The following IMMT variants were observed in gnomAD, a reference collection of about 807,000 sequenced individuals.
IMMT encodes the protein inner membrane mitochondrial protein, also known as MICOS complex subunit MIC60.
A neutral mutation model predicts 92.7 loss-of-function variants in IMMT; 40 were observed. The ratio of observed to expected loss-of-function variants is 0.43; its 90% CI spans 0.34 to 0.56. The LOEUF (loss-of-function observed/expected upper bound fraction) is 0.56. Ranked by LOEUF, IMMT falls within the 20% of genes least tolerant of loss-of-function variation. The pLI, the probability that IMMT is intolerant of heterozygous loss-of-function variation, is 0.03. For synonymous variants in IMMT, 322 were observed against 336.1 expected (o/e 0.96, Z 0.46); for missense variants, 831 against 912.1 (o/e 0.91, Z 1.14).
intron 13 of IMMT, among the ~76,000 whole-genome samples, 167 bp from the exon 14 acceptor site, chr2:86,146,364 GTATATAA>G (rs1342136359): frequency 7.0e-6 from 1 of 141,924 alleles, no homozygotes; most frequent in Non-Finnish European, 1.5e-5. Flanking sequence ...CATATTTGAT[GTATATAA>G]TATATTTTTT....
intron 7 of IMMT, among the ~76,000 whole-genome samples, chr2:86,164,930 A>C (rs1272922091): frequency 2.0e-5 from 3 of 152,222 alleles, no homozygotes; most frequent in Non-Finnish European, 2.9e-5. Context: ...GCTTTGTGAA[A>C]GTTATTCAGT....
At chr2:86,189,581 G>C (rs1167124000) in intron 1 of IMMT, among the ~76,000 whole-genome samples, 1 of 152,130 alleles carries the variant, frequency 6.6e-6, no homozygotes, top group Non-Finnish European at 1.5e-5. Context: ...CCTGGACATG[G>C]AGCCTGTAGT....
intron 8 of IMMT, among the ~76,000 whole-genome samples, chr2:86,160,930 A>G (rs1419712371): frequency 6.6e-6 from 1 of 152,114 alleles, no homozygotes; most frequent in Non-Finnish European, 1.5e-5. Flanking sequence ...AGCGAAACTG[A>G]CTTTTATGTA....
intron 12 of IMMT, among the ~76,000 whole-genome samples, chr2:86,148,672 T>C (rs1675234871): frequency 6.6e-6 from 1 of 152,110 alleles, no homozygotes; most frequent in Non-Finnish European, 1.5e-5. Context: ...AGACTTGACA[T>C]AGACTTCTAA....
chr2:86,164,052 ATTTTT>A (rs540613367), intron 7 of IMMT, among the ~76,000 whole-genome samples: 1 of 63,030 alleles, frequency 1.6e-5, no homozygotes. Context: ...CACTTTAGTC[ATTTTT>A]TTTTTTTTTT....
chr2:86,194,712 T>C (rs1673406408), intron 1 of IMMT, among the ~76,000 whole-genome samples: 1 of 152,212 alleles, frequency 6.6e-6, no homozygotes, highest in African/African-American at 2.4e-5. Flanking sequence ...CACAGATCCC[T>C]GCCCTAATCT....
At chr2:86,155,607 C>T (rs1014689133) in intron 10 of IMMT, among the ~76,000 whole-genome samples, 1 of 152,218 alleles carries the variant, frequency 6.6e-6, no homozygotes, top group South Asian at 2.1e-4. Flanking sequence ...GAAACTTGCT[C>T]AGCTACAGAT....
At chr2:86,184,209 C>G (rs1382834078) in intron 1 of IMMT, among the ~76,000 whole-genome samples, 1 of 151,808 alleles carries the variant, frequency 6.6e-6, no homozygotes, top group African/African-American at 2.4e-5. Flanking sequence ...TGCTCTGTTG[C>G]CAAGGTTGTG....
intron 7 of IMMT, among the ~76,000 whole-genome samples, chr2:86,162,298 A>G (rs10168635): frequency 0.078 from 11,758 of 150,308 alleles, 773 homozygotes; most frequent in East Asian, 0.23. Flanking sequence ...GATTACAGGC[A>G]TGAGCCACTG....
intron 3 of IMMT, 138 bp downstream of exon 3, chr2:86,179,295 C>G: frequency 1.6e-6 from 1 of 639,712 alleles, no homozygotes; most frequent in Non-Finnish European, 2.6e-6. Flanking sequence ...CTTGAGCATC[C>G]ATGGGATTTT....
chr2:86,170,911 T>C (rs1028330502), intron 5 of IMMT, 67 bp from the exon 6 acceptor site: 2 of 1,239,750 alleles, frequency 1.6e-6, no homozygotes, highest in Admixed American at 2.0e-5. Context: ...AACAGGGATA[T>C]AAAAAAAGCA....
chr2:86,174,742 T>TA (rs1457594882), intron 3 of IMMT, among the ~76,000 whole-genome samples: 1 of 152,002 alleles, frequency 6.6e-6, no homozygotes, highest in Non-Finnish European at 1.5e-5. Flanking sequence ...CTTGCTCTTT[T>TA]TTTATTTAAC....
Position 86,195,373 on chromosome 2 carries a change from C to G in IMMT, c.10G>C (p.Ala4Pro). 1 of 1,549,498 alleles carries G rather than the reference C, an allele frequency of 6.5e-7. No homozygotes were observed. ...GCGGTCACACCCGATAACTGACAGG[C>G]CCGCAGCATCTCGGTCAAGCGGACG... MLR[A>P]CQLSGVTAAA... The change falls in exon 1 of 15, where the codon GCC (alanine) becomes CCC (proline). Residue 4 changes from alanine (A) to proline (P), a missense_variant. By Grantham distance (27) the Ala-to-Pro change is conservative. Transcript: ENST00000410111.
intron 4 of IMMT, 104 bp from the exon 5 acceptor site, chr2:86,171,449 T>C (rs1269687705): frequency 3.2e-5 from 32 of 1,011,166 alleles, no homozygotes; most frequent in Non-Finnish European, 3.0e-6. Flanking sequence ...TCTGACTCCT[T>C]AGAGACACAA....
intron 10 of IMMT, among the ~76,000 whole-genome samples, chr2:86,154,888 C>T (rs917635365): frequency 6.6e-6 from 1 of 151,468 alleles, no homozygotes; most frequent in African/African-American, 2.4e-5. Context: ...TTTTTTGAGA[C>T]GGAGTCTCCC....
intron 4 of IMMT, among the ~76,000 whole-genome samples, chr2:86,172,857 C>T (rs1331726991): frequency 6.6e-6 from 1 of 152,144 alleles, no homozygotes; most frequent in Non-Finnish European, 1.5e-5. Flanking sequence ...CTAATCTTTG[C>T]TCAGATAACC....
At chr2:86,162,628 G>A (rs776499677) in intron 7 of IMMT, among the ~76,000 whole-genome samples, 3 of 151,846 alleles carry the variant, frequency 2.0e-5, no homozygotes, top group Non-Finnish European at 4.4e-5. Context: ...AGCGGATCAC[G>A]AGGTCAAGAG....
rs377150889 is a variant in IMMT, at chr2:86,144,600, C to T, written c.1945G>A (p.Asp649Asn). 18 of 1,613,896 alleles carry T rather than the reference C, an allele frequency of 1.1e-5. No individual in the cohort carries two copies. Among genetic ancestry groups the T allele is most frequent in the Non-Finnish European group, 1.4e-5 (16 of 1,179,912 alleles). Residue 649 changes from aspartate to asparagine, a missense_variant, in exon 15 of 15, where the codon GAT becomes AAT. Coordinates refer to ENST00000410111, the MANE Select transcript of IMMT (RefSeq NM_006839.3). ...QKLARRVAMI[D>N]ETRNSLYQYF... Reference sequence around the variant, plus strand: ...TGGTACAAGCTATTTCTGGTTTCATCAATCATTGCTACCCTTCGGGCCAGT... The same window carrying T: ...TGGTACAAGCTATTTCTGGTTTCATTAATCATTGCTACCCTTCGGGCCAGT...
In IMMT at chr2:86,166,620, G is replaced by A. The variant is rs375746081; in HGVS notation, c.680C>T (p.Ala227Val). 1 of 1,612,458 alleles carries A rather than the reference G, an allele frequency of 6.2e-7. No homozygotes were observed. Among genetic ancestry groups the A allele is most frequent in the Non-Finnish European group, 8.5e-7 (1 of 1,179,480 alleles). The change falls in exon 7 of 15, where the codon GCT becomes GTT. Residue 227 changes from alanine to valine, a missense_variant. Transcript: ENST00000410111. ...AGTGACACTTGCAGTTTGCCTCAGA[G>A]CATCTTCTAAGCTCTTGGCTAGAGC... The part of the protein sequence containing the change: ...IESLAKSLED[A>V]LRQTASVTLQ...
Sources: allele counts gnomAD v4.1 joint callset (sites outside exome capture counted in the v4.1 genomes callset), GRCh38; gene constraint gnomAD v4.1.1; transcripts MANE v1.5; gene names NCBI Gene and HGNC (gene_info 2026-07-23, HGNC 2026-07-21).